TMEM45A: variants seen among roughly 807,000 people sequenced by gnomAD.
The protein encoded by TMEM45A is transmembrane protein 45A, also known as DNA polymerase-transactivated protein 4.
A neutral mutation model predicts 32.0 loss-of-function variants in TMEM45A; 25 were observed. The observed-to-expected ratio is 0.78, with a 90% CI of 0.57 to 1.09. TMEM45A has a LOEUF of 1.09. Among genes scored for constraint, TMEM45A ranks in the 50% least tolerant of loss-of-function variants. The pLI, the probability that TMEM45A is intolerant of heterozygous loss-of-function variation, is 0.00. For synonymous variants in TMEM45A, 122 were observed against 114.8 expected (o/e 1.06, Z -0.40); for missense variants, 302 against 325.0 (o/e 0.93, Z 0.54).
At chr3:100,549,353 G>A (rs1012665197) in intron 1 of TMEM45A, among the ~76,000 whole-genome samples, 7 of 152,048 alleles carry the variant, frequency 4.6e-5, no homozygotes, top group African/African-American at 1.2e-4. Context: ...TACAGAACAC[G>A]ATCTATTATG....
chr3:100,494,351 C>T (rs1197022877), intron 1 of TMEM45A, among the ~76,000 whole-genome samples: 2 of 152,246 alleles, frequency 1.3e-5, no homozygotes, highest in East Asian at 1.9e-4. Flanking sequence ...AGCCTGGGCG[C>T]GGTGGCTCAC....
At chr3:100,514,225 A>G (rs1215279529) in intron 1 of TMEM45A, among the ~76,000 whole-genome samples, 1 of 152,214 alleles carries the variant, frequency 6.6e-6, no homozygotes, top group Non-Finnish European at 1.5e-5. Flanking sequence ...ACTTCAAACT[A>G]TACTACAAGG....
chr3:100,527,585 C>A (rs1705570648), intron 1 of TMEM45A, among the ~76,000 whole-genome samples: 1 of 152,132 alleles, frequency 6.6e-6, no homozygotes, highest in South Asian at 2.1e-4. Context: ...ATGAAATAGA[C>A]CTATTTTTAA....
chr3:100,557,583 G>A (rs904959131), intron 3 of TMEM45A, among the ~76,000 whole-genome samples: 5 of 151,292 alleles, frequency 3.3e-5, no homozygotes, highest in South Asian at 4.2e-4. Context: ...TATTACACAC[G>A]TAAAAAATAG....
At chr3:100,571,225 T>C (rs1185857833) in intron 5 of TMEM45A, 1 of 152,200 alleles carries the variant, frequency 6.6e-6, no homozygotes, top group Non-Finnish European at 1.5e-5. Context: ...ACTCCCACAG[T>C]CTTAATGTAA....
At chr3:100,572,983 A>G (rs1706601056) in intron 5 of TMEM45A, 1 of 151,824 alleles carries the variant, frequency 6.6e-6, no homozygotes, top group Non-Finnish European at 1.5e-5. Flanking sequence ...TACCAGTACC[A>G]TGCTGTTTTG....
At chr3:100,507,122 G>A (rs1483869478) in intron 1 of TMEM45A, among the ~76,000 whole-genome samples, 1 of 152,184 alleles carries the variant, frequency 6.6e-6, no homozygotes, top group East Asian at 1.9e-4. Context: ...CTTCCTCTGA[G>A]ATTTGGAAGG....
At chr3:100,526,990 C>T (rs887416681) in intron 1 of TMEM45A, among the ~76,000 whole-genome samples, 8 of 152,086 alleles carry the variant, frequency 5.3e-5, no homozygotes, top group East Asian at 1.9e-4. Context: ...TATTTATGTC[C>T]GTATTTTAAA....
At chr3:100,520,261 C>G (rs1335848391) in intron 1 of TMEM45A, among the ~76,000 whole-genome samples, 1 of 152,118 alleles carries the variant, frequency 6.6e-6, no homozygotes, top group Non-Finnish European at 1.5e-5. Flanking sequence ...AGAAAGAGCT[C>G]CCCTGCAGAG....
At chr3:100,544,947 A>G (rs1559646431) in intron 1 of TMEM45A, among the ~76,000 whole-genome samples, 1 of 152,106 alleles carries the variant, frequency 6.6e-6, no homozygotes. Flanking sequence ...TTGTGTTTCC[A>G]CCTGCAGTGT....
intron 1 of TMEM45A, among the ~76,000 whole-genome samples, chr3:100,527,319 G>C (rs917719991): frequency 5.9e-5 from 9 of 152,216 alleles, no homozygotes; most frequent in African/African-American, 2.2e-4. Flanking sequence ...TCCAACAAGA[G>C]TTCAAATGTC....
At chr3:100,555,064 A>G (rs1706185684) in intron 1 of TMEM45A, 145 bp from the exon 2 acceptor site, 1 of 676,520 alleles carries the variant, frequency 1.5e-6, no homozygotes, top group Non-Finnish European at 2.5e-6. Context: ...ACTAGTATGC[A>G]CAGTAATGTA....
chr3:100,511,899 G>T (rs1034664613), intron 1 of TMEM45A, among the ~76,000 whole-genome samples: 2 of 151,964 alleles, frequency 1.3e-5, no homozygotes, highest in East Asian at 1.9e-4. Context: ...AATGGTAAAG[G>T]GATCAATTCA....
intron 1 of TMEM45A, among the ~76,000 whole-genome samples, chr3:100,528,625 TTTC>T (rs1415861914): frequency 6.6e-6 from 1 of 152,162 alleles, no homozygotes; most frequent in Non-Finnish European, 1.5e-5. Context: ...CTCTCCACCT[TTTC>T]TTGTCTAAAT....
In TMEM45A at chr3:100,549,533, C is replaced by T. The variant is rs1358968715; in HGVS notation, c.-3-5676C>T. 2.6e-5 allele frequency among the ~76,000 whole-genome samples: 4 copies of T among 152,190 alleles called. No homozygotes were observed. In the East Asian group the frequency reaches 7.7e-4, roughly 29 times the overall value. On this transcript the variant is annotated intron_variant, in intron 1 of 5. Transcript: ENST00000323523. ...TCACATCCAGAACTGCCCTCTGGCA[C>T]AATGTTTGGACAGGGAGGCTGGAGG...
intron 1 of TMEM45A, among the ~76,000 whole-genome samples, chr3:100,552,946 G>T (rs553045096): frequency 6.6e-6 from 1 of 152,214 alleles, no homozygotes; most frequent in Admixed American, 6.5e-5. Context: ...GAAGTGTCTT[G>T]GGCACTACAT....
intron 1 of TMEM45A, among the ~76,000 whole-genome samples, chr3:100,510,366 C>T (rs1463259630): frequency 6.6e-6 from 1 of 152,168 alleles, no homozygotes; most frequent in Non-Finnish European, 1.5e-5. Context: ...CAGACTGACA[C>T]CTCACATGGC....
At chr3:100,537,244 A>G (rs1381193461) in intron 1 of TMEM45A, among the ~76,000 whole-genome samples, 1 of 152,104 alleles carries the variant, frequency 6.6e-6, no homozygotes, top group Non-Finnish European at 1.5e-5. Flanking sequence ...TTAAAGGAAA[A>G]TGAGGTTAGA....
chr3:100,532,592 G>T (rs769864533), intron 1 of TMEM45A, among the ~76,000 whole-genome samples: 1 of 152,162 alleles, frequency 6.6e-6, no homozygotes, highest in Non-Finnish European at 1.5e-5. Flanking sequence ...ATAGAAAGCT[G>T]TCAGTACAGT....
Sources: allele counts gnomAD v4.1 joint callset (sites outside exome capture counted in the v4.1 genomes callset), GRCh38; gene constraint gnomAD v4.1.1; transcripts MANE v1.5; gene names NCBI Gene and HGNC (gene_info 2026-07-23, HGNC 2026-07-21).